EGFR: variants seen among roughly 807,000 people sequenced by gnomAD.
EGFR encodes the protein epidermal growth factor receptor, also known as avian erythroblastic leukemia viral (v-erb-b) oncogene homolog.
Under a neutral mutation model 143.0 loss-of-function variants are expected in EGFR, and 58 were observed. The observed-to-expected ratio is 0.41, with a 90% confidence interval of 0.33 to 0.50. EGFR has a LOEUF of 0.50. EGFR is among the 20% of genes least tolerant of loss of function. The probability of loss-of-function intolerance (pLI) is 0.39; values close to 1 mark genes in which losing one functional copy is unlikely to be tolerated. For missense variants in EGFR, 1,307 were observed against 1,579.0 expected, an observed-to-expected ratio of 0.83 and a Z score of 2.92; for synonymous variants, 613 against 594.4, an observed-to-expected ratio of 1.03 and a Z score of -0.45.
intron 22 of EGFR, among the ~76,000 whole-genome samples, chr7:55,193,714 G>T (rs1412872489): frequency 6.6e-6 from 1 of 152,164 alleles, no homozygotes; most frequent in East Asian, 1.9e-4. Context: ...CTAGAAATGT[G>T]TATTTGAGGA....
chr7:55,039,570 G>A lies in EGFR; in HGVS notation c.88+20205G>A, dbSNP rs576654236. Among the ~76,000 whole-genome samples, 15 of 152,304 alleles carry A rather than the reference G, an allele frequency of 9.8e-5. No homozygotes were observed. In the South Asian group the frequency reaches 2.7e-3, roughly 27 times the overall value. On this transcript the variant is annotated intron_variant, in intron 1 of 27. Coordinates refer to ENST00000275493, the MANE Select transcript of EGFR (RefSeq NM_005228.5). ...CCCAAAAGGAATGTGCTTGGGTGAG[G>A]GAGAGCTCCTCCATGGCTGGAGGCA... is the stretch of plus-strand genomic sequence containing the variant.
intron 3 of EGFR, among the ~76,000 whole-genome samples, chr7:55,143,762 A>C (rs1210248361): frequency 6.6e-6 from 1 of 152,234 alleles, no homozygotes; most frequent in Non-Finnish European, 1.5e-5. Context: ...GATTCTGAGT[A>C]AAAGAGAGTA....
At chr7:55,091,363 G>A (rs1282540208) in intron 1 of EGFR, among the ~76,000 whole-genome samples, 7 of 152,228 alleles carry the variant, frequency 4.6e-5, no homozygotes, top group African/African-American at 1.7e-4. Flanking sequence ...TCTGGTGATA[G>A]TGGTTCCTAA....
intron 1 of EGFR, among the ~76,000 whole-genome samples, chr7:55,061,649 T>TGTGTGTGAGAGA (rs1432070752): frequency 0.069 from 9,153 of 132,350 alleles, 384 homozygotes; most frequent in Middle Eastern, 0.11. Flanking sequence ...TGTGTGTGTG[T>TGTGTGTGAGAGA]GAGAGAGAGA....
intron 1 of EGFR, among the ~76,000 whole-genome samples, chr7:55,117,358 C>T (rs1179153016): frequency 2.0e-5 from 3 of 152,104 alleles, no homozygotes; most frequent in Non-Finnish European, 4.4e-5. Context: ...AAAGACATAG[C>T]AGTCTACAAG....
chr7:55,123,476 C>A (rs925013279), intron 1 of EGFR, among the ~76,000 whole-genome samples: 3 of 152,074 alleles, frequency 2.0e-5, no homozygotes, highest in African/African-American at 7.2e-5. Context: ...ATATTTTTCT[C>A]CTTTCTGGTC....
chr7:55,129,078 A>C (rs574852274), intron 1 of EGFR, among the ~76,000 whole-genome samples: 6 of 152,282 alleles, frequency 3.9e-5, no homozygotes, highest in Non-Finnish European at 7.3e-5. Context: ...TGCTGTTCTC[A>C]GATGACATGT....
At position 55,152,582 on chromosome 7, in the gene EGFR, G is replaced by A. The variant is rs751295137; in HGVS notation, c.665G>A (p.Arg222His). ...ATCTGTGCCCAGCAGTGCTCCGGGC[G>A]CTGCCGTGGCAAGTCCCCCAGTGAC... ...KIICAQQCSG[R>H]CRGKSPSDCC... is the part of the protein sequence containing the mutation. The change falls in exon 6 of 28, where the codon CGC becomes CAC. Residue 222 changes from arginine (R) to histidine (H), a missense_variant. By Grantham distance (29) the Arg-to-His change is conservative. Around this residue, in one of 7 missense-constraint regions of EGFR, gnomAD observed 311 missense variants for 412.3 expected, o/e 0.75. Coordinates refer to ENST00000275493, the MANE Select transcript of EGFR (RefSeq NM_005228.5). The A allele has an allele frequency of 5.0e-6, 8 of 1,613,716 alleles. No individual in the cohort carries two copies. The highest frequency in any genetic ancestry group is 1.7e-5 in the Admixed American group (1 of 60,006).
intron 1 of EGFR, among the ~76,000 whole-genome samples, chr7:55,140,182 A>C (rs1794383683): frequency 6.6e-6 from 1 of 152,038 alleles, no homozygotes; most frequent in South Asian, 2.1e-4. Context: ...TTACTGACAA[A>C]AGTTACTTAC....
At chr7:55,194,455 T>C (rs1351191794) in intron 22 of EGFR, among the ~76,000 whole-genome samples, 1 of 152,154 alleles carries the variant, frequency 6.6e-6, no homozygotes, top group Non-Finnish European at 1.5e-5. Context: ...CTCGAACTCC[T>C]GACCTCATGA....
chr7:55,156,721 A>AGATTGGTGAT lies in EGFR; in HGVS notation c.1134-37_1134-28dup, dbSNP rs773367175. On this transcript the variant is annotated intron_variant, in intron 9 of 27. Transcript: ENST00000275493. ...CAAAATCTGCCTTTTTAACTGGTAG[A>AGATTGGTGAT]GATTGGTGATCAATAATCACCCTGT... 6 of 1,614,112 alleles carry AGATTGGTGAT rather than the reference A, an allele frequency of 3.7e-6. No homozygotes were observed. The East Asian group carries it at 1.3e-4, about 36-fold the overall frequency.
At chr7:55,136,713 G>A (rs1250221334) in intron 1 of EGFR, among the ~76,000 whole-genome samples, 1 of 152,128 alleles carries the variant, frequency 6.6e-6, no homozygotes, top group Non-Finnish European at 1.5e-5. Flanking sequence ...TCTTTTCTTG[G>A]GTTAGTTGAT....
intron 27 of EGFR, among the ~76,000 whole-genome samples, chr7:55,204,126 C>T (rs1787993640): frequency 1.3e-5 from 2 of 150,560 alleles, no homozygotes; most frequent in South Asian, 4.2e-4. Flanking sequence ...AGATGATATA[C>T]CTCTTTACAC....
At chr7:55,087,313 T>C (rs912164626) in intron 1 of EGFR, among the ~76,000 whole-genome samples, 5 of 141,970 alleles carry the variant, frequency 3.5e-5, no homozygotes, top group Non-Finnish European at 7.6e-5. Context: ...ACTCTGAGGA[T>C]ATGCTTATAA....
In EGFR at chr7:55,155,876, G is replaced by T. The variant is rs2128937441; in HGVS notation, c.936G>T (p.Gly312=). ...ACGGCTCGTGCGTCCGAGCCTGTGG[G>T]GCCGACAGCTATGAGATGGAGGAAG... ...TDHGSCVRAC[G]ADSYEMEEDG... Residue 312 remains glycine, a synonymous_variant, in exon 8 of 28, where the codon GGG becomes GGT. Coordinates refer to ENST00000275493, the MANE Select transcript of EGFR (RefSeq NM_005228.5). 4 of 1,614,018 alleles carry T rather than the reference G, an allele frequency of 2.5e-6. No homozygotes were observed. The highest frequency in any genetic ancestry group is 3.4e-6 in the Non-Finnish European group (4 of 1,180,004).
At position 55,156,802 on chromosome 7, in the gene EGFR, G is replaced by T; in HGVS notation, c.1177G>T (p.Asp393Tyr). Residue 393 changes from aspartate to tyrosine, a missense_variant, in exon 10 of 28, where the codon GAT becomes TAT. Transcript: ENST00000275493. ...TCCTCCTCTGGATCCACAGGAACTG[G>T]ATATTCTGAAAACCGTAAAGGAAAT... ...HTPPLDPQEL[D>Y]ILKTVKEITG... is the part of the protein sequence containing the mutation. 2 of 1,614,210 alleles carry T rather than the reference G, an allele frequency of 1.2e-6. No homozygotes were observed. The highest frequency in any genetic ancestry group is 8.5e-7 in the Non-Finnish European group (1 of 1,180,048).
At position 55,109,862 on chromosome 7, in the gene EGFR, A is replaced by G. The variant is rs17336198; in HGVS notation, c.89-32424A>G. ...ACAGTTCTCCACTGGACTTCAGAAC[A>G]AGAGGGAGCTCTGGGCTGCTGGCTG... is the stretch of plus-strand genomic sequence containing the variant. On this transcript the variant is annotated intron_variant, in intron 1 of 27. Coordinates refer to ENST00000275493, the MANE Select transcript of EGFR (RefSeq NM_005228.5). 2.3e-5 allele frequency: 23 copies of G among 985,548 alleles called. 1 individual carries two copies. In the East Asian group the frequency reaches 1.6e-3, roughly 68 times the overall value. 61.1% of individuals were successfully genotyped at this position (985,548 alleles called of 1,614,324 possible).
At chr7:55,156,035 C>T (rs1562766535) in intron 8 of EGFR, 89 bp downstream of exon 8, 1 of 900,724 alleles carries the variant, frequency 1.1e-6, no homozygotes, top group Non-Finnish European at 1.8e-6. Context: ...ACATCTTCCT[C>T]TTCTCATTAA....
chr7:55,075,636 T>C (rs2128886523), intron 1 of EGFR, among the ~76,000 whole-genome samples: 1 of 152,206 alleles, frequency 6.6e-6, no homozygotes, highest in African/African-American at 2.4e-5. Flanking sequence ...GTTCCTGTAA[T>C]GGATACACTC....
Sources: allele counts gnomAD v4.1 joint callset (sites outside exome capture counted in the v4.1 genomes callset), GRCh38; gene constraint gnomAD v4.1.1; regional missense constraint gnomAD v4.1.1; transcripts MANE v1.5; gene names NCBI Gene and HGNC (gene_info 2026-07-23, HGNC 2026-07-21).